SUPT3H: variants seen among roughly 807,000 people sequenced by gnomAD.
SUPT3H encodes transcription initiation protein SPT3 homolog.
A neutral mutation model predicts 44.3 loss-of-function variants in SUPT3H; 44 were observed. The ratio of observed to expected loss-of-function variants is 0.99; its 90% CI spans 0.78 to 1.28. SUPT3H has a LOEUF of 1.28. Ranked by LOEUF, SUPT3H falls within the 50% of genes most tolerant of loss-of-function variation. The pLI is 0.00. For missense variants in SUPT3H, 380 were observed against 387.1 expected, an observed-to-expected ratio of 0.98 and a Z score of 0.15; for synonymous variants, 124 against 125.6, an observed-to-expected ratio of 0.99 and a Z score of 0.09.
At chr6:44,911,751 A>G (rs1370563711) in intron 10 of SUPT3H, among the ~76,000 whole-genome samples, 2 of 152,190 alleles carry the variant, frequency 1.3e-5, no homozygotes, top group Non-Finnish European at 2.9e-5. Flanking sequence ...TAAGGGTAAT[A>G]CGAATTGTTA....
chr6:45,024,720 A>G (rs969266802), intron 3 of SUPT3H, among the ~76,000 whole-genome samples: 1 of 152,156 alleles, frequency 6.6e-6, no homozygotes, highest in Non-Finnish European at 1.5e-5. Flanking sequence ...GGGAGTGACT[A>G]TGAGGGTGTT....
chr6:44,934,838 T>C (rs888402688), intron 9 of SUPT3H, among the ~76,000 whole-genome samples: 6 of 152,156 alleles, frequency 3.9e-5, no homozygotes, highest in South Asian at 4.1e-4. Context: ...GTTTACAGGA[T>C]TTTGTTATGG....
At chr6:45,138,153 A>T (rs1804615670) in intron 2 of SUPT3H, among the ~76,000 whole-genome samples, 1 of 152,168 alleles carries the variant, frequency 6.6e-6, no homozygotes, top group Non-Finnish European at 1.5e-5. Flanking sequence ...ACACACAATG[A>T]GATATATTTC....
chr6:44,918,695 G>C (rs2153455860), intron 10 of SUPT3H, among the ~76,000 whole-genome samples: 1 of 152,288 alleles, frequency 6.6e-6, no homozygotes, highest in South Asian at 2.1e-4. Flanking sequence ...GGCAGGTAAA[G>C]GATATATGCT....
At chr6:45,139,153 T>A (rs959833300) in intron 2 of SUPT3H, among the ~76,000 whole-genome samples, 1 of 152,150 alleles carries the variant, frequency 6.6e-6, no homozygotes, top group African/African-American at 2.4e-5. Context: ...ATTATTTTCA[T>A]AAATTAAAAT....
At chr6:45,233,947 T>C (rs1768577533) in intron 2 of SUPT3H, among the ~76,000 whole-genome samples, 2 of 152,224 alleles carry the variant, frequency 1.3e-5, no homozygotes, top group African/African-American at 2.4e-5. Flanking sequence ...ACCCTTGCTG[T>C]CACTAATAAA....
intron 2 of SUPT3H, among the ~76,000 whole-genome samples, chr6:45,228,975 G>T (rs1767456069): frequency 6.6e-6 from 1 of 152,070 alleles, no homozygotes; most frequent in Non-Finnish European, 1.5e-5. Flanking sequence ...TTACCAATAG[G>T]ATTATCAAAC....
At chr6:45,187,632 T>C (rs1202215381) in intron 2 of SUPT3H, among the ~76,000 whole-genome samples, 2 of 152,212 alleles carry the variant, frequency 1.3e-5, no homozygotes, top group South Asian at 2.1e-4. Context: ...CAATTTTATA[T>C]AATCTGTTCC....
intron 3 of SUPT3H, among the ~76,000 whole-genome samples, chr6:45,020,958 C>T (rs964207157): frequency 6.6e-6 from 1 of 151,870 alleles, no homozygotes; most frequent in African/African-American, 2.4e-5. Flanking sequence ...CCTTCATACT[C>T]ATGTGAGCAA....
intron 10 of SUPT3H, among the ~76,000 whole-genome samples, chr6:44,894,848 TA>T (rs1204539621): frequency 2.6e-5 from 4 of 151,894 alleles, no homozygotes; most frequent in Middle Eastern, 3.4e-3. Flanking sequence ...ATATATTTTA[TA>T]ACATTTTAAA....
chr6:44,940,970 T>C (rs1298115852), intron 9 of SUPT3H, among the ~76,000 whole-genome samples: 1 of 152,132 alleles, frequency 6.6e-6, no homozygotes, highest in Non-Finnish European at 1.5e-5. Context: ...GTGAGTTTCT[T>C]GTAAGCAACA....
chr6:45,248,415 T>C (rs1373015838), intron 2 of SUPT3H, among the ~76,000 whole-genome samples: 3 of 151,920 alleles, frequency 2.0e-5, no homozygotes, highest in Non-Finnish European at 4.4e-5. Flanking sequence ...TAAGAAAAAT[T>C]ATCCAGTAAA....
At chr6:45,188,057 C>G (rs1584137966) in intron 2 of SUPT3H, among the ~76,000 whole-genome samples, 1 of 152,238 alleles carries the variant, frequency 6.6e-6, no homozygotes, top group African/African-American at 2.4e-5. Flanking sequence ...GTACACACTT[C>G]TATAGGCTAC....
intron 2 of SUPT3H, among the ~76,000 whole-genome samples, chr6:45,111,727 G>C (rs943939794): frequency 2.6e-5 from 4 of 152,038 alleles, no homozygotes; most frequent in African/African-American, 9.7e-5. Flanking sequence ...CTCTGATGTT[G>C]AGGATGAAGT....
At position 44,827,906 on chromosome 6, in the gene SUPT3H, A is replaced by AAGAT. The variant is rs1255293521; in HGVS notation, c.*1906_*1909dup. ...TAAATAATTACCTGTCAGACTGTTC[A>AAGAT]AGATAGACAAACATATGCCAGACCA... On this transcript the variant is annotated 3_prime_UTR_variant, in exon 11 of 11. Coordinates refer to ENST00000371459, the MANE Select transcript of SUPT3H (RefSeq NM_003599.4). 5.3e-5 allele frequency among the ~76,000 whole-genome samples: 8 copies of AAGAT among 152,138 alleles called. No homozygotes were observed. Among genetic ancestry groups the AAGAT allele is most frequent in the South Asian group, 2.1e-4 (1 of 4,826 alleles).
intron 2 of SUPT3H, among the ~76,000 whole-genome samples, chr6:45,124,789 C>A (rs939439366): frequency 2.6e-5 from 4 of 151,770 alleles, no homozygotes; most frequent in Non-Finnish European, 1.5e-5. Context: ...AAATCCTAAC[C>A]CCTAGTACCT....
chr6:44,931,563 G>T (rs1267781627), intron 10 of SUPT3H, among the ~76,000 whole-genome samples: 1 of 151,774 alleles, frequency 6.6e-6, no homozygotes, highest in Non-Finnish European at 1.5e-5. Context: ...TCATGCAAAA[G>T]GATATATTGC....
At chr6:45,227,962 C>T (rs183921487) in intron 2 of SUPT3H, among the ~76,000 whole-genome samples, 342 of 151,228 alleles carry the variant, frequency 2.3e-3, no homozygotes, top group African/African-American at 7.7e-3. Context: ...ATAAGAATGG[C>T]GAAGAAAACA....
intron 5 of SUPT3H, among the ~76,000 whole-genome samples, chr6:45,014,060 A>G (rs1390569851): frequency 1.3e-5 from 2 of 151,894 alleles, no homozygotes; most frequent in South Asian, 4.2e-4. Context: ...CTGGGGAGAG[A>G]CTCTGCCATC....
Sources: gnomAD v4.1 joint callset for allele counts (sites outside exome capture counted in the v4.1 genomes callset) on GRCh38, gnomAD v4.1.1 for gene constraint, MANE v1.5 for transcripts, NCBI Gene and HGNC (gene_info 2026-07-23, HGNC 2026-07-21) for gene names.